Variants in DYNC2I1 observed in about 807,000 individuals in gnomAD.
DYNC2I1 encodes dynein 2 intermediate chain 1.
DYNC2I1 carries 89 observed loss-of-function variants against 133.4 expected under a neutral mutation model. That is an observed-to-expected ratio of 0.67 (90% confidence interval 0.56 to 0.80). The LOEUF (loss-of-function observed/expected upper bound fraction) is 0.80, where lower values mean the gene tolerates loss of function less well. DYNC2I1 is among the 30% of genes least tolerant of loss of function. The probability of loss-of-function intolerance (pLI) is 0.00; values close to 1 mark genes in which losing one functional copy is unlikely to be tolerated. For synonymous variants in DYNC2I1, 504 were observed against 484.3 expected (o/e 1.04, Z -0.54); for missense variants, 1,291 against 1,314.5 (o/e 0.98, Z 0.28).
chr7:158,925,003 T>A (rs1314304292), intron 17 of DYNC2I1, among the ~76,000 whole-genome samples: 1 of 152,128 alleles, frequency 6.6e-6, no homozygotes, highest in Non-Finnish European at 1.5e-5. Flanking sequence ...TGATCTGCCC[T>A]CCTTGGCCTC....
intron 11 of DYNC2I1, among the ~76,000 whole-genome samples, chr7:158,911,316 C>T (rs995643794): frequency 1.3e-5 from 2 of 152,096 alleles, no homozygotes; most frequent in African/African-American, 4.8e-5. Context: ...GACACACACA[C>T]GAGGCAGTCG....
intron 5 of DYNC2I1, 63 bp from the exon 6 acceptor site, chr7:158,884,501 A>G: frequency 6.6e-7 from 1 of 1,506,744 alleles, no homozygotes; most frequent in South Asian, 1.2e-5. Context: ...GGGTTTACTA[A>G]TTATGCTTAC....
At chr7:158,859,876 T>C (rs1841717326) in intron 1 of DYNC2I1, among the ~76,000 whole-genome samples, 1 of 152,202 alleles carries the variant, frequency 6.6e-6, no homozygotes, top group Non-Finnish European at 1.5e-5. Context: ...AGGTTCTCAA[T>C]TGCAAGTCGG....
chr7:158,882,663 A>G (rs1239400848), intron 5 of DYNC2I1, among the ~76,000 whole-genome samples: 1 of 152,210 alleles, frequency 6.6e-6, no homozygotes, highest in Non-Finnish European at 1.5e-5. Context: ...ACTTGAGGTC[A>G]GGAGTTCGAG....
the DYNC2I1 span, among the ~76,000 whole-genome samples, chr7:158,849,029 G>A: frequency 6.6e-6 from 1 of 152,154 alleles, no homozygotes; most frequent in African/African-American, 2.4e-5. Flanking sequence ...GAAATTTTAA[G>A]AGAAATCAAA....
At chr7:158,902,940 T>C in intron 10 of DYNC2I1, 1 of 229,238 alleles carries the variant, frequency 4.4e-6, no homozygotes, top group Non-Finnish European at 8.5e-6. Flanking sequence ...CAGTGGGAGC[T>C]GAGGATGCTG....
intron 11 of DYNC2I1, among the ~76,000 whole-genome samples, chr7:158,908,238 C>A (rs1176395425): frequency 6.6e-6 from 1 of 150,406 alleles, no homozygotes; most frequent in Admixed American, 6.6e-5. Flanking sequence ...AAAATAGATA[C>A]CTGCTTCATA....
chr7:158,860,697 T>A (rs1841798714), intron 1 of DYNC2I1, among the ~76,000 whole-genome samples: 1 of 152,218 alleles, frequency 6.6e-6, no homozygotes, highest in African/African-American at 2.4e-5. Context: ...AATTGATAGG[T>A]AATGTGTGAG....
intron 1 of DYNC2I1, among the ~76,000 whole-genome samples, chr7:158,864,925 A>T (rs972401131): frequency 6.6e-6 from 1 of 152,210 alleles, no homozygotes; most frequent in Non-Finnish European, 1.5e-5. Flanking sequence ...GCAAGGGGAG[A>T]AGCCCACTGC....
chr7:158,865,889 T>C (rs1483115393), intron 1 of DYNC2I1, among the ~76,000 whole-genome samples: 2 of 152,090 alleles, frequency 1.3e-5, no homozygotes, highest in Non-Finnish European at 2.9e-5. Flanking sequence ...AGTTTGAAAC[T>C]CTAGAGGGAG....
Position 158,945,211 on chromosome 7 carries a change from C to T in DYNC2I1, c.3003-370C>T, listed in dbSNP as rs1851758358. 6.6e-6 allele frequency among the ~76,000 whole-genome samples: 1 copy of T among 152,024 alleles called. No homozygotes were observed. The highest frequency in any genetic ancestry group is 1.5e-5 in the Non-Finnish European group (1 of 68,000). On this transcript the variant is annotated intron_variant, in intron 24 of 24. Transcript: ENST00000407559. This position sits in a 1 kb window ranked among gnomAD's most constrained non-coding sequence, Gnocchi z 4.1. ...AGACGCAGACTTGTGAGTCCTGACA[C>T]TCAGCTGTGGGTGAGATCCAGGGAG...
At chr7:158,894,120 C>CTACCGCATATCCTACTGCATATCA (rs1554455779) in intron 8 of DYNC2I1, among the ~76,000 whole-genome samples, 1 of 75,622 alleles carries the variant, frequency 1.3e-5, no homozygotes, top group Non-Finnish European at 2.6e-5. Context: ...ACTGCATATC[C>CTACCGCATATCCTACTGCATATCA]TACCGCATAT....
chr7:158,904,990 A>G (rs1028261368), intron 10 of DYNC2I1: 3 of 288,284 alleles, frequency 1.0e-5, no homozygotes, highest in Admixed American at 4.8e-5. Flanking sequence ...GATAAGATGC[A>G]GTAGAAATAA....
intron 8 of DYNC2I1, among the ~76,000 whole-genome samples, chr7:158,900,045 C>T (rs1275298697): frequency 1.3e-5 from 2 of 151,698 alleles, no homozygotes; most frequent in Non-Finnish European, 2.9e-5. Flanking sequence ...GAATATTTTT[C>T]TCTCAGTACT....
chr7:158,910,498 T>C (rs1250569660), intron 11 of DYNC2I1, among the ~76,000 whole-genome samples: 2 of 150,948 alleles, frequency 1.3e-5, no homozygotes, highest in Non-Finnish European at 3.0e-5. Flanking sequence ...GTGTCAGGCC[T>C]GTGGGTGGAG....
At chr7:158,858,958 C>G (rs1841608678) in intron 1 of DYNC2I1, among the ~76,000 whole-genome samples, 1 of 54,888 alleles carries the variant, frequency 1.8e-5, no homozygotes, top group Non-Finnish European at 3.5e-5. Flanking sequence ...CTCCCCTCCC[C>G]TTTCCTCCCC....
At chr7:158,856,505 C>T, upstream of DYNC2I1, 1 of 402,238 alleles carries the variant, frequency 2.5e-6, no homozygotes. Flanking sequence ...ACTCGGCCTT[C>T]CCCTGCTCCT....
chr7:158,921,864 C>A (rs1849131905), intron 15 of DYNC2I1, among the ~76,000 whole-genome samples: 1 of 152,230 alleles, frequency 6.6e-6, no homozygotes, highest in African/African-American at 2.4e-5. Context: ...GTGAGAGCTG[C>A]CGGCACGGCC....
At chr7:158,915,396 T>C (rs1848002026) in intron 14 of DYNC2I1, among the ~76,000 whole-genome samples, 1 of 124,314 alleles carries the variant, frequency 8.0e-6, no homozygotes, top group African/African-American at 2.7e-5. Flanking sequence ...GACATGCTGG[T>C]TGACATTAAG....
Sources: allele counts gnomAD v4.1 joint callset (sites outside exome capture counted in the v4.1 genomes callset), GRCh38; gene constraint gnomAD v4.1.1; non-coding constraint Gnocchi (gnomAD v3.1); transcripts MANE v1.5; gene names NCBI Gene and HGNC (gene_info 2026-07-23, HGNC 2026-07-21).